CSMD1: variants seen among roughly 807,000 people sequenced by gnomAD.
CSMD1 encodes the protein CUB and sushi domain-containing protein 1.
CSMD1 carries 213 observed loss-of-function variants against 417.5 expected under a neutral mutation model. That is an observed-to-expected ratio of 0.51 (90% CI 0.46 to 0.57). The LOEUF (loss-of-function observed/expected upper bound fraction) is 0.57, where lower values mean the gene tolerates loss of function less well. Ranked by LOEUF, CSMD1 falls within the 20% of genes least tolerant of loss-of-function variation. The pLI is 0.00. For missense variants in CSMD1, 6,923 were observed against 4,529.7 expected, an observed-to-expected ratio of 1.53 and a Z score of -15.17; for synonymous variants, 2,862 against 1,736.8, an observed-to-expected ratio of 1.65 and a Z score of -16.11.
intron 3 of CSMD1, among the ~76,000 whole-genome samples, chr8:4,288,244 T>A (rs1797168890): frequency 6.6e-6 from 1 of 152,120 alleles, no homozygotes; most frequent in Non-Finnish European, 1.5e-5. Flanking sequence ...CTGGGTGCCT[T>A]CATGAGTTTC....
At chr8:3,954,319 A>G (rs942477760) in intron 5 of CSMD1, among the ~76,000 whole-genome samples, 1 of 152,194 alleles carries the variant, frequency 6.6e-6, no homozygotes, top group Admixed American at 6.5e-5. Context: ...ATGCACGCGA[A>G]GGCTGAAGAG....
chr8:4,411,385 T>C (rs115904918), intron 3 of CSMD1, among the ~76,000 whole-genome samples: 2,345 of 152,238 alleles, frequency 0.015, 57 homozygotes, highest in African/African-American at 0.052. Flanking sequence ...TCAGCCACAG[T>C]GCTGGTCTTA....
intron 3 of CSMD1, among the ~76,000 whole-genome samples, chr8:4,212,695 G>T (rs1054691584): frequency 1.4e-5 from 2 of 146,076 alleles, no homozygotes; most frequent in African/African-American, 5.1e-5. Context: ...TTAGTTATAT[G>T]TAACCACATA....
intron 2 of CSMD1, among the ~76,000 whole-genome samples, chr8:4,585,210 A>G (rs1799638483): frequency 6.6e-6 from 1 of 152,176 alleles, no homozygotes; most frequent in Admixed American, 6.5e-5. Flanking sequence ...AATAAAGAGC[A>G]CCATAAAGAA....
At chr8:4,218,530 C>G (rs1800827013) in intron 3 of CSMD1, among the ~76,000 whole-genome samples, 2 of 152,172 alleles carry the variant, frequency 1.3e-5, no homozygotes, top group African/African-American at 2.4e-5. Context: ...TGCCTCTAAA[C>G]TCACATTTGA....
intron 3 of CSMD1, among the ~76,000 whole-genome samples, chr8:4,078,497 C>T (rs1799949266): frequency 6.6e-6 from 1 of 151,758 alleles, no homozygotes; most frequent in African/African-American, 2.4e-5. Flanking sequence ...ATCTCCTGAC[C>T]TTGTGATCTG....
intron 3 of CSMD1, among the ~76,000 whole-genome samples, chr8:4,146,199 G>T (rs1345483541): frequency 6.6e-6 from 1 of 150,960 alleles, no homozygotes; most frequent in Non-Finnish European, 1.5e-5. Context: ...CTCAAAAAAA[G>T]GGTGATATCG....
At chr8:3,571,547 G>C (rs9314501) in intron 10 of CSMD1, among the ~76,000 whole-genome samples, 36,469 of 151,310 alleles carry the variant, frequency 0.24, 4,691 homozygotes, top group Non-Finnish European at 0.29. Flanking sequence ...TCTCACCCAC[G>C]GCGTCATCTC....
chr8:4,622,032 G>C (rs760849859), intron 2 of CSMD1, among the ~76,000 whole-genome samples: 7 of 151,982 alleles, frequency 4.6e-5, no homozygotes, highest in Admixed American at 1.3e-4. Context: ...TTCTCAAGCA[G>C]ATAAAGAACA....
intron 1 of CSMD1, among the ~76,000 whole-genome samples, chr8:4,942,395 T>C (rs1383169410): frequency 1.3e-5 from 2 of 152,220 alleles, no homozygotes; most frequent in African/African-American, 2.4e-5. Context: ...ATTACTCTTA[T>C]CATGTTGTAC....
At chr8:3,256,660 C>G (rs962912682) in intron 26 of CSMD1, among the ~76,000 whole-genome samples, 5 of 152,186 alleles carry the variant, frequency 3.3e-5, no homozygotes, top group Non-Finnish European at 5.9e-5. Context: ...CAAGAACACC[C>G]ACACTTCCAG....
intron 1 of CSMD1, among the ~76,000 whole-genome samples, chr8:4,649,569 T>A (rs1038676641): frequency 2.1e-4 from 32 of 152,350 alleles, no homozygotes; most frequent in Admixed American, 3.3e-4. Context: ...TAGTATTTTT[T>A]CTGTCATTTT....
intron 41 of CSMD1, among the ~76,000 whole-genome samples, chr8:3,119,415 C>G (rs1361921422): frequency 1.0e-5 from 1 of 98,122 alleles, no homozygotes; most frequent in Non-Finnish European, 2.2e-5. Context: ...AAAAAAAACA[C>G]TGTATAATCC....
chr8:2,939,994 C>G (rs1213265957), intron 69 of CSMD1, among the ~76,000 whole-genome samples: 1 of 152,188 alleles, frequency 6.6e-6, no homozygotes, highest in Non-Finnish European at 1.5e-5. Flanking sequence ...TGCAGCTGCA[C>G]CCGGCAGAAG....
Position 4,276,501 on chromosome 8 carries a change from T to G in CSMD1, c.415+143452A>C, listed in dbSNP as rs565359885. On this transcript the variant is annotated intron_variant, in intron 3 of 69. Transcript: ENST00000635120. ...AGAAATACCTAATACAGATGACGGG[T>G]TAGTGGGTGCAGCAAACCACCATGG... Among the ~76,000 whole-genome samples, 3 of 152,132 alleles carry G rather than the reference T, an allele frequency of 2.0e-5. No individual in the cohort carries two copies. The East Asian group carries it at 5.8e-4, about 29-fold the overall frequency.
intron 1 of CSMD1, among the ~76,000 whole-genome samples, chr8:4,865,825 A>T (rs917077632): frequency 6.6e-6 from 1 of 151,896 alleles, no homozygotes; most frequent in African/African-American, 2.4e-5. Flanking sequence ...TTTAAAAATT[A>T]ATCTTCTTTC....
intron 3 of CSMD1, among the ~76,000 whole-genome samples, chr8:4,213,072 G>A (rs549932338): frequency 8.5e-5 from 13 of 152,212 alleles, no homozygotes; most frequent in Non-Finnish European, 1.3e-4. Flanking sequence ...TTGAGCTAAT[G>A]TCTAAGATGG....
At chr8:4,666,607 A>G (rs1251430409) in intron 1 of CSMD1, among the ~76,000 whole-genome samples, 1 of 152,236 alleles carries the variant, frequency 6.6e-6, no homozygotes, top group Non-Finnish European at 1.5e-5. Flanking sequence ...TTTCAAACCA[A>G]TAATATTGTG....
At chr8:3,067,914 T>A (rs1813050645) in intron 49 of CSMD1, among the ~76,000 whole-genome samples, 2 of 152,316 alleles carry the variant, frequency 1.3e-5, no homozygotes, top group East Asian at 3.9e-4. Context: ...AGATGATTTA[T>A]CCAGAGTTCA....
Sources: gnomAD v4.1 joint callset for allele counts (sites outside exome capture counted in the v4.1 genomes callset) on GRCh38, gnomAD v4.1.1 for gene constraint, MANE v1.5 for transcripts, NCBI Gene and HGNC (gene_info 2026-07-23, HGNC 2026-07-21) for gene names.